The following MSI2 variants were observed in gnomAD, a reference collection of about 807,000 sequenced individuals.
The protein encoded by MSI2 is RNA-binding protein Musashi homolog 2.
In MSI2, 17 loss-of-function variants were observed where a neutral mutation model predicts 45.6. The observed-to-expected ratio is 0.37, with a 90% CI of 0.26 to 0.56. The LOEUF is 0.56. MSI2 is among the 20% of genes least tolerant of loss of function. The probability of loss-of-function intolerance (pLI) is 0.77; values close to 1 mark genes in which losing one functional copy is unlikely to be tolerated. For missense variants in MSI2, 293 were observed against 444.2 expected (o/e 0.66, Z 3.06); for synonymous variants, 156 against 158.2 (o/e 0.99, Z 0.11).
rs763549882 is a variant in MSI2, at chr17:57,619,549, A to G, written c.652+3465A>G. On this transcript the variant is annotated intron_variant, in intron 9 of 13. Transcript: ENST00000284073. ...TCCATTCGGAATAAACAGGCTTGGA[A>G]CACGAGGACCCTACTGTGGGACCTT... 6.0e-4 allele frequency among the ~76,000 whole-genome samples: 92 copies of G among 152,248 alleles called. 2 individuals are homozygous for G. The highest frequency in any genetic ancestry group is 1.9e-3 in the South Asian group (9 of 4,810).
chr17:57,517,206 T>C (rs1400278573), intron 6 of MSI2, among the ~76,000 whole-genome samples: 1 of 152,170 alleles, frequency 6.6e-6, no homozygotes. Context: ...GGGAAACCCA[T>C]GGGACTCTAG....
chr17:57,396,585 T>C (rs2083894922), intron 5 of MSI2, among the ~76,000 whole-genome samples: 1 of 152,240 alleles, frequency 6.6e-6, no homozygotes, highest in Non-Finnish European at 1.5e-5. Flanking sequence ...GGAGTGCTCT[T>C]TGCAGCTCTG....
chr17:57,674,198 C>T (rs971121441), intron 11 of MSI2, among the ~76,000 whole-genome samples: 2 of 149,618 alleles, frequency 1.3e-5, no homozygotes, highest in African/African-American at 4.9e-5. Context: ...CATCCTCCGA[C>T]CACGTTCAGT....
intron 10 of MSI2, among the ~76,000 whole-genome samples, chr17:57,637,882 G>T (rs572499776): frequency 5.3e-5 from 8 of 152,140 alleles, no homozygotes; most frequent in African/African-American, 1.9e-4. Context: ...CTGAGGCCCC[G>T]TGCCCACCAG....
chr17:57,302,610 T>C (rs987652468), intron 5 of MSI2, among the ~76,000 whole-genome samples: 2 of 152,232 alleles, frequency 1.3e-5, no homozygotes, highest in African/African-American at 4.8e-5. Flanking sequence ...TCCCCAGTGC[T>C]GTTTTCTTGT....
At position 57,280,405 on chromosome 17, in the gene MSI2, T is replaced by C. The variant is rs187187189; in HGVS notation, c.312+18213T>C. On this transcript the variant is annotated intron_variant, in intron 5 of 13. Coordinates refer to ENST00000284073, the MANE Select transcript of MSI2 (RefSeq NM_138962.4). This position sits in a 1 kb window ranked among gnomAD's most constrained non-coding sequence, Gnocchi z 4.2. ...GATCCACTTGAGGAAGGATGGCTGC[T>C]TAGCTGAGTTCTTGGAGGTAGTGAT... Among the ~76,000 whole-genome samples the C allele has an allele frequency of 2.0e-3, 312 of 152,308 alleles. 1 individual carries two copies. The highest frequency in any genetic ancestry group is 7.1e-3 in the African/African-American group (293 of 41,558).
chr17:57,432,152 C>G (rs1307976311), intron 6 of MSI2, among the ~76,000 whole-genome samples: 1 of 152,074 alleles, frequency 6.6e-6, no homozygotes, highest in Non-Finnish European at 1.5e-5. Context: ...TATTGAATTA[C>G]CAGGCACTTA....
At chr17:57,664,403 A>G (rs942514175) in intron 11 of MSI2, among the ~76,000 whole-genome samples, 1 of 152,188 alleles carries the variant, frequency 6.6e-6, no homozygotes, top group African/African-American at 2.4e-5. Context: ...CTGTAGTCTC[A>G]GCTACTGGGG....
In MSI2 at chr17:57,305,064, G is replaced by A. The variant is rs151163139; in HGVS notation, c.312+42872G>A. On this transcript the variant is annotated intron_variant, in intron 5 of 13. Transcript: ENST00000284073. ...AAATGGAAGGACAGATGCTGAAGACGTGATTACAGGCAGGAGAGTGTTATT... is the reference window on the plus strand; with the variant it reads ...AAATGGAAGGACAGATGCTGAAGACATGATTACAGGCAGGAGAGTGTTATT... Among the ~76,000 whole-genome samples the A allele has an allele frequency of 3.3e-5, 5 of 152,282 alleles. No homozygotes were observed. The East Asian group carries it at 9.6e-4, about 29-fold the overall frequency.
At chr17:57,470,547 G>A (rs935532040) in intron 6 of MSI2, among the ~76,000 whole-genome samples, 2 of 152,178 alleles carry the variant, frequency 1.3e-5, no homozygotes, top group Non-Finnish European at 2.9e-5. Flanking sequence ...CAAAGTGCTG[G>A]GGTTACAGGC....
chr17:57,303,264 G>A (rs1911576884), intron 5 of MSI2, among the ~76,000 whole-genome samples: 1 of 152,200 alleles, frequency 6.6e-6, no homozygotes, highest in Non-Finnish European at 1.5e-5. Flanking sequence ...AACACTTGGG[G>A]GAGAGAAGCT....
At chr17:57,522,435 GAT>G (rs1291803087) in intron 6 of MSI2, 1 of 152,054 alleles carries the variant, frequency 6.6e-6, no homozygotes, top group East Asian at 1.9e-4. Context: ...CTTTGTTCTT[GAT>G]ATGTGTGGCT....
At chr17:57,690,120 G>A in the MSI2 span, among the ~76,000 whole-genome samples, 1 of 141,168 alleles carries the variant, frequency 7.1e-6, no homozygotes, top group Non-Finnish European at 1.5e-5. Flanking sequence ...TGGTTACTTT[G>A]TATTCTTGTT....
chr17:57,493,657 T>C (rs2085919283), intron 6 of MSI2, among the ~76,000 whole-genome samples: 1 of 150,132 alleles, frequency 6.7e-6, no homozygotes, highest in Non-Finnish European at 1.5e-5. Context: ...AGTCTTGAGC[T>C]GCGGGATGAT....
downstream of MSI2, chr17:57,685,455 C>T (rs1278653084): frequency 6.6e-6 from 1 of 152,220 alleles, no homozygotes; most frequent in African/African-American, 2.4e-5. Context: ...CTGTATTCTC[C>T]AGGACATGGC....
In MSI2 at chr17:57,596,864, T is replaced by G; in HGVS notation, c.455-4T>G. The G allele has an allele frequency of 1.2e-6, 2 of 1,605,466 alleles. No individual in the cohort carries two copies. Among genetic ancestry groups the G allele is most frequent in the Non-Finnish European group, 8.5e-7 (1 of 1,172,332 alleles). ...TGTTTTTTCTTCTCTCTCTTTTCCT[T>G]TAGGGTTTGGCTTTGTCACTTTTGA... On this transcript the variant is annotated splice_polypyrimidine_tract_variant and splice_region_variant and intron_variant, in intron 7 of 13. Coordinates refer to ENST00000284073, the MANE Select transcript of MSI2 (RefSeq NM_138962.4). The surrounding 1 kb of genome is among the most constrained non-coding windows in gnomAD (Gnocchi z 4.6).
chr17:57,403,933 G>GCACACACACA (rs58718271), intron 6 of MSI2, among the ~76,000 whole-genome samples: 3 of 149,082 alleles, frequency 2.0e-5, no homozygotes, highest in Admixed American at 1.3e-4. Context: ...GAATGAATGT[G>GCACACACACA]CACACACACA....
chr17:57,403,365 G>C (rs1345496776), intron 6 of MSI2, among the ~76,000 whole-genome samples: 1 of 152,108 alleles, frequency 6.6e-6, no homozygotes, highest in African/African-American at 2.4e-5. Flanking sequence ...TATGCCTCCA[G>C]TAAGACACAC....
intron 9 of MSI2, among the ~76,000 whole-genome samples, chr17:57,621,042 A>G (rs1206026819): frequency 6.6e-6 from 1 of 152,186 alleles, no homozygotes; most frequent in African/African-American, 2.4e-5. Flanking sequence ...GGAGACTGCC[A>G]TTTGCTGTGC....
Sources: gnomAD v4.1 joint callset for allele counts (sites outside exome capture counted in the v4.1 genomes callset) on GRCh38, gnomAD v4.1.1 for gene constraint, Gnocchi (gnomAD v3.1) non-coding constraint, MANE v1.5 for transcripts, NCBI Gene and HGNC (gene_info 2026-07-23, HGNC 2026-07-21) for gene names.